Variants in XKR4 observed in about 807,000 individuals in gnomAD.
XKR4 encodes XK related 4.
XKR4 carries 12 observed loss-of-function variants against 53.9 expected under a neutral mutation model. The ratio of observed to expected loss-of-function variants is 0.22; its 90% CI spans 0.14 to 0.36. The LOEUF is 0.36. Among genes scored for constraint, XKR4 ranks in the 10% least tolerant of loss-of-function variants. The probability of loss-of-function intolerance (pLI) is 1.00; values close to 1 mark genes in which losing one functional copy is unlikely to be tolerated. For synonymous variants in XKR4, 354 were observed against 362.4 expected (o/e 0.98, Z 0.26); for missense variants, 799 against 859.5 (o/e 0.93, Z 0.88).
rs2129407224 is a variant in XKR4, at chr8:55,535,959, T to C, written c.*11732T>C. On this transcript the variant is annotated 3_prime_UTR_variant, in exon 3 of 3. Coordinates refer to ENST00000327381, the MANE Select transcript of XKR4 (RefSeq NM_052898.2). ...TCTAAGATAAGGTATTCCAAGGTAT[T>C]GTAAGTTACCCTTGTTTGTAGAACA... 6.6e-6 allele frequency: 1 copy of C among 152,310 alleles called. No individual in the cohort carries two copies. Among genetic ancestry groups the C allele is most frequent in the Admixed American group, 6.5e-5 (1 of 15,304 alleles). 9.4% of individuals were successfully genotyped at this position (152,310 alleles called of 1,614,324 possible). A position where few individuals can be genotyped will look rare whatever the true frequency, so the allele number is the denominator to read the frequency against.
intron 2 of XKR4, among the ~76,000 whole-genome samples, chr8:55,379,090 TC>T (rs1406542834): frequency 6.6e-6 from 1 of 152,150 alleles, no homozygotes; most frequent in Non-Finnish European, 1.5e-5. Flanking sequence ...TTTTGGAGCT[TC>T]TTTTTAGAAG....
At chr8:55,184,172 A>G (rs1817348120) in intron 1 of XKR4, among the ~76,000 whole-genome samples, 1 of 152,154 alleles carries the variant, frequency 6.6e-6, no homozygotes, top group Non-Finnish European at 1.5e-5. Context: ...GAGTGTTTGC[A>G]ATGCTGGGTT....
chr8:55,461,395 A>T (rs1805655493), intron 2 of XKR4, among the ~76,000 whole-genome samples: 1 of 152,246 alleles, frequency 6.6e-6, no homozygotes, highest in Non-Finnish European at 1.5e-5. Context: ...AAACTGCAAC[A>T]GACCTGCAGC....
intron 2 of XKR4, chr8:55,449,631 C>T (rs1356985724): frequency 7.8e-6 from 8 of 1,026,008 alleles, no homozygotes; most frequent in South Asian, 3.8e-5. Context: ...TTCTCATCCA[C>T]GCTCTTAGGG....
chr8:55,102,620 C>A lies in XKR4; in HGVS notation c.132C>A (p.Ala44=). 5.7e-6 allele frequency: 8 copies of A among 1,410,618 alleles called. No individual in the cohort carries two copies. Among genetic ancestry groups the A allele is most frequent in the African/African-American group, 1.5e-5 (1 of 68,072 alleles). The allele number at this position is 1,410,618 out of a possible 1,614,324, so 87.4% of individuals were successfully genotyped here. A position where few individuals can be genotyped will look rare whatever the true frequency, so the allele number is the denominator to read the frequency against. Residue 44 remains alanine, a synonymous_variant, in exon 1 of 3, where the codon GCC becomes GCA. Coordinates refer to ENST00000327381, the MANE Select transcript of XKR4 (RefSeq NM_052898.2). This position sits in a 1 kb window ranked among gnomAD's most constrained non-coding sequence, Gnocchi z 5.1. ...CAGGCTTGCCGTCGGGGTCGGGAGC[C>A]GAGGACGAGGAGGCGGCCGGGGGCG... The part of the protein sequence containing the change: ...LAPGLPSGSG[A]EDEEAAGGGC...
At chr8:55,365,574 G>A (rs2129385326) in intron 2 of XKR4, among the ~76,000 whole-genome samples, 1 of 152,168 alleles carries the variant, frequency 6.6e-6, no homozygotes, top group Admixed American at 6.5e-5. Context: ...GGGCATGGTG[G>A]CGCATGCCTG....
chr8:55,495,523 T>C (rs1199767681), intron 2 of XKR4, among the ~76,000 whole-genome samples: 4 of 152,194 alleles, frequency 2.6e-5, no homozygotes, highest in Non-Finnish European at 4.4e-5. Context: ...CCCTACCACA[T>C]TGGCACGCAG....
chr8:55,458,063 T>A (rs1205145268), intron 2 of XKR4, among the ~76,000 whole-genome samples: 2 of 152,214 alleles, frequency 1.3e-5, no homozygotes, highest in African/African-American at 4.8e-5. Context: ...CCCAGATTGA[T>A]CTACAGCTGA....
intron 1 of XKR4, among the ~76,000 whole-genome samples, chr8:55,245,940 T>C (rs1818279213): frequency 6.6e-6 from 1 of 151,988 alleles, no homozygotes; most frequent in African/African-American, 2.4e-5. Context: ...ACTAAATAAA[T>C]AAATAAATAA....
At chr8:55,421,709 A>G (rs980443952) in intron 2 of XKR4, among the ~76,000 whole-genome samples, 1 of 152,248 alleles carries the variant, frequency 6.6e-6, no homozygotes, top group African/African-American at 2.4e-5. Context: ...AACAGGCTAA[A>G]TTGCAATTCC....
intron 2 of XKR4, among the ~76,000 whole-genome samples, chr8:55,497,322 G>A (rs79968169): frequency 0.014 from 2,146 of 152,238 alleles, 44 homozygotes; most frequent in African/African-American, 0.049. Context: ...ATTTGTGGGA[G>A]GATTTGTTTG....
At chr8:55,167,046 G>A (rs78518925) in intron 1 of XKR4, among the ~76,000 whole-genome samples, 4,897 of 152,220 alleles carry the variant, frequency 0.032, 206 homozygotes, top group East Asian at 0.12. Flanking sequence ...AGTGGTGGAA[G>A]GTGACCTAAT....
chr8:55,467,676 A>C (rs1805803698), intron 2 of XKR4, among the ~76,000 whole-genome samples: 1 of 152,206 alleles, frequency 6.6e-6, no homozygotes, highest in Non-Finnish European at 1.5e-5. Flanking sequence ...TGCCAAAGAC[A>C]GGCAAATGTT....
chr8:55,377,387 C>T (rs1199608664), intron 2 of XKR4, among the ~76,000 whole-genome samples: 1 of 152,196 alleles, frequency 6.6e-6, no homozygotes, highest in African/African-American at 2.4e-5. Context: ...CAAGAAGTAT[C>T]TTTTCCTCTT....
rs1467003325 is a variant in XKR4 at position 55,523,840 on chromosome 8, G to T, written c.1566G>T (p.Gln522His). ...ATCCCAATGGACCCAGATTCGGGCA[G>T]TCACCAAGTTGTGCTTGTGAGGACC... The part of the protein sequence containing the change: ...FFHPNGPRFG[Q>H]SPSCACEDPA... The change falls in exon 3 of 3, where the codon CAG (glutamine) becomes CAT (histidine). Residue 522 changes from glutamine to histidine, a missense_variant. Gln to His is a conservative substitution (Grantham distance 24). Around this residue, in one of 3 missense-constraint regions of XKR4, gnomAD observed 269 missense variants for 264.4 expected, o/e 1.02. Transcript: ENST00000327381. 2 of 1,614,170 alleles carry T rather than the reference G, an allele frequency of 1.2e-6. No homozygotes were observed.
rs1277048613 is a variant in XKR4 at position 55,524,172 on chromosome 8, A to T, written c.1898A>T (p.Gln633Leu). ...FECSPSPPRL[Q>L]YKDDALIQER... ...TGTTCCCCATCTCCTCCAAGGCTGC[A>T]GTACAAAGATGATGCCCTTATTCAG... Residue 633 changes from glutamine (Q) to leucine (L), a missense_variant, in exon 3 of 3, where the codon CAG becomes CTG. This residue lies in a region of XKR4 where 269 missense variants were observed against 264.4 expected (regional missense o/e 1.02). Coordinates refer to ENST00000327381, the MANE Select transcript of XKR4 (RefSeq NM_052898.2). 1 of 1,614,124 alleles carries T rather than the reference A, an allele frequency of 6.2e-7. No individual in the cohort carries two copies. The highest frequency in any genetic ancestry group is 8.5e-7 in the Non-Finnish European group (1 of 1,180,048).
chr8:55,363,851 A>T (rs1053988366), intron 2 of XKR4, among the ~76,000 whole-genome samples: 7 of 152,192 alleles, frequency 4.6e-5, no homozygotes, highest in African/African-American at 1.7e-4. Context: ...ATCGTAGTTA[A>T]TTAAAACATT....
intron 2 of XKR4, among the ~76,000 whole-genome samples, chr8:55,363,848 T>C (rs1263360957): frequency 6.6e-6 from 1 of 152,226 alleles, no homozygotes; most frequent in Non-Finnish European, 1.5e-5. Flanking sequence ...ATTATCGTAG[T>C]TAATTAAAAC....
chr8:55,329,187 T>C lies in XKR4; in HGVS notation c.807-28491T>C, dbSNP rs189143623. On this transcript the variant is annotated intron_variant, in intron 1 of 2. Transcript: ENST00000327381. ...CCAGGATAGTAGAACTCAGAGTTGATATATTTAAATTTTGTGAAGAAAAAT... is the reference window on the plus strand; with the variant it reads ...CCAGGATAGTAGAACTCAGAGTTGACATATTTAAATTTTGTGAAGAAAAAT... Among the ~76,000 whole-genome samples, 15 of 152,262 alleles carry C rather than the reference T, an allele frequency of 9.9e-5. No homozygotes were observed. In the East Asian group the frequency reaches 2.7e-3, roughly 27 times the overall value.
Sources: gnomAD v4.1 joint callset for allele counts (sites outside exome capture counted in the v4.1 genomes callset) on GRCh38, gnomAD v4.1.1 for gene constraint, gnomAD v4.1.1 regional missense constraint, Gnocchi (gnomAD v3.1) non-coding constraint, MANE v1.5 for transcripts, NCBI Gene and HGNC (gene_info 2026-07-23, HGNC 2026-07-21) for gene names.